Variants in USP44 observed in about 807,000 individuals in gnomAD.
The protein encoded by USP44 is ubiquitin specific peptidase 44.
A neutral mutation model predicts 69.0 loss-of-function variants in USP44; 61 were observed. The ratio of observed to expected loss-of-function variants is 0.88; its 90% CI spans 0.72 to 1.09. The LOEUF (loss-of-function observed/expected upper bound fraction) is 1.09. Among genes scored for constraint, USP44 ranks in the 50% least tolerant of loss-of-function variants. USP44 has a pLI of 0.00. For synonymous variants in USP44, 297 were observed against 295.4 expected (o/e 1.01, Z -0.06); for missense variants, 753 against 849.9 (o/e 0.89, Z 1.42).
rs370009304 is a variant in USP44 at position 95,518,260 on chromosome 12, C to T, written c.2033G>A (p.Arg678Gln). ...TTTAGAATGTCCATTCTCAGTAACT[C>T]GTTGGGTATAAAACAAGATATAAGC... ...AQAYILFYTQ[R>Q]VTENGHSKLL... The change falls in exon 6 of 6, where the codon CGA (arginine) becomes CAA (glutamine). Residue 678 changes from arginine to glutamine, a missense_variant. By Grantham distance (43) the Arg-to-Gln change is conservative (BLOSUM62 1). Coordinates refer to ENST00000258499, the MANE Select transcript of USP44 (RefSeq NM_032147.5). 4.3e-6 allele frequency: 7 copies of T among 1,613,976 alleles called. No individual in the cohort carries two copies. The highest frequency in any genetic ancestry group is 2.7e-5 in the African/African-American group (2 of 74,898).
At chr12:95,522,293 G>GA (rs879858987) in intron 4 of USP44, among the ~76,000 whole-genome samples, 3 of 147,676 alleles carry the variant, frequency 2.0e-5, no homozygotes, top group East Asian at 2.0e-4. Context: ...TTTTATGATG[G>GA]AAAAAAAAAA....
At chr12:95,523,765 GT>G (rs2076743113) in intron 4 of USP44, among the ~76,000 whole-genome samples, 1 of 151,516 alleles carries the variant, frequency 6.6e-6, no homozygotes, top group Non-Finnish European at 1.5e-5. Context: ...ATTCATAATG[GT>G]TTGCTTCTGA....
At chr12:95,522,872 T>C (rs2076712250) in intron 4 of USP44, among the ~76,000 whole-genome samples, 3 of 151,158 alleles carry the variant, frequency 2.0e-5, no homozygotes, top group Admixed American at 2.0e-4. Context: ...TGTGGGCAAG[T>C]CACAGGAAAG....
Position 95,516,593 on chromosome 12 carries a change from TAAG to T in USP44, c.*1558_*1560del, listed in dbSNP as rs755753432. The T allele has an allele frequency of 8.5e-5, 13 of 152,248 alleles. No individual in the cohort carries two copies. The highest frequency in any genetic ancestry group is 1.9e-4 in the East Asian group (1 of 5,180). 9.4% of individuals were successfully genotyped at this position (152,248 alleles called of 1,614,324 possible). A position where few individuals can be genotyped will look rare whatever the true frequency, so the allele number is the denominator to read the frequency against. ...ACCATGTAAATTTTTAATGAGGTAT[TAAG>T]AAGTGTGTAACAGTTGAGGTAACAA... is the stretch of plus-strand genomic sequence containing the variant. On this transcript the variant is annotated 3_prime_UTR_variant, in exon 6 of 6. Transcript: ENST00000258499.
chr12:95,529,454 C>T (rs1384927252), intron 2 of USP44, among the ~76,000 whole-genome samples: 41 of 150,798 alleles, frequency 2.7e-4, no homozygotes, highest in Non-Finnish European at 2.9e-5. Context: ...GATGGAGTCT[C>T]GCTCTGTCCC....
At chr12:95,534,391 A>G in intron 1 of USP44, 65 bp from the exon 2 acceptor site, 2 of 877,066 alleles carry the variant, frequency 2.3e-6, no homozygotes, top group Non-Finnish European at 3.4e-6. Context: ...TTTCCCAAGA[A>G]TAATAAAGAT....
intron 1 of USP44, among the ~76,000 whole-genome samples, chr12:95,544,813 G>A (rs187654350): frequency 5.9e-5 from 9 of 151,960 alleles, no homozygotes; most frequent in Non-Finnish European, 1.2e-4. Flanking sequence ...GCTTCCCCCC[G>A]CCATAGCTCA....
intron 3 of USP44, 106 bp downstream of exon 3, chr12:95,528,701 A>G (rs2076928042): frequency 2.4e-6 from 3 of 1,230,502 alleles, no homozygotes; most frequent in South Asian, 3.6e-5. Context: ...TGAACTGAAA[A>G]AAAGTTCATT....
chr12:95,519,723 C>T (rs1202717635), intron 5 of USP44, among the ~76,000 whole-genome samples: 3 of 150,596 alleles, frequency 2.0e-5, no homozygotes, highest in Non-Finnish European at 3.0e-5. Flanking sequence ...TGAGCCACCG[C>T]GCCCGGCCCT....
chr12:95,522,505 T>C (rs1006326403), intron 4 of USP44, among the ~76,000 whole-genome samples: 2 of 151,970 alleles, frequency 1.3e-5, no homozygotes, highest in Admixed American at 1.3e-4. Flanking sequence ...TGGTTGGCCG[T>C]GGTGGCTCAC....
In USP44 at chr12:95,533,069, CT is replaced by C. The variant is rs1374116263; in HGVS notation, c.1187del (p.Lys396SerfsTer37). ...TAGCAAATGGTGAGACCAACGCCCA[CT>C]TTCCAGACCACATGACTTGGAACAA... ...HTLFQVMWSG[K>X]WALVSPFAML... On this transcript the variant is annotated frameshift_variant, in exon 2 of 6. Transcript: ENST00000258499. LOFTEE classifies it high-confidence loss of function. The C allele has an allele frequency of 6.2e-7, 1 of 1,614,232 alleles. No individual in the cohort carries two copies. The highest frequency in any genetic ancestry group is 1.3e-5 in the African/African-American group (1 of 75,046).
chr12:95,539,250 G>C (rs983972826), intron 1 of USP44, among the ~76,000 whole-genome samples: 27 of 149,184 alleles, frequency 1.8e-4, no homozygotes, highest in Non-Finnish European at 3.9e-4. Flanking sequence ...TTTTGAGACG[G>C]AGTCTTGCTC....
chr12:95,521,931 A>AT, intron 4 of USP44: 1 of 630,620 alleles, frequency 1.6e-6, no homozygotes, highest in Non-Finnish European at 2.0e-6. Context: ...CACTTCAGAG[A>AT]TTTTCAGACT....
At position 95,534,126 on chromosome 12, in the gene USP44, CA is replaced by C. The variant is rs750655939; in HGVS notation, c.130del (p.Cys44AlafsTer29). ...TTESIWACLSCSHVACGRYIE... is the reference protein window; with the variant it reads ...TTESIWACLSXSHVACGRYIE... ...ATATCTTCCACAGGCAACATGGGAGCAGCTAAGGCAAGCCCAAATGGACTCG... is the reference window on the plus strand; with the variant it reads ...ATATCTTCCACAGGCAACATGGGAGCGCTAAGGCAAGCCCAAATGGACTCG... On this transcript the variant is annotated frameshift_variant, in exon 2 of 6. Transcript: ENST00000258499. LOFTEE classifies it high-confidence loss of function. 1 of 1,614,188 alleles carries C rather than the reference CA, an allele frequency of 6.2e-7. No homozygotes were observed. Among genetic ancestry groups the C allele is most frequent in the Non-Finnish European group, 8.5e-7 (1 of 1,180,038 alleles).
At chr12:95,518,462 T>A in intron 5 of USP44, 109 bp from the exon 6 acceptor site, 2 of 1,098,044 alleles carry the variant, frequency 1.8e-6, no homozygotes, top group South Asian at 1.6e-5. Context: ...TCTAGCCAAT[T>A]CATTTTTCTT....
chr12:95,526,908 T>C (rs1183269007), intron 3 of USP44, among the ~76,000 whole-genome samples: 2 of 152,086 alleles, frequency 1.3e-5, no homozygotes, highest in East Asian at 3.9e-4. Context: ...ATCTTATTCT[T>C]TTTTTTAATT....
intron 4 of USP44, among the ~76,000 whole-genome samples, chr12:95,522,778 C>CAAA (rs36010747): frequency 2.0e-5 from 2 of 99,040 alleles, no homozygotes; most frequent in Non-Finnish European, 4.1e-5. Flanking sequence ...AATTCTGGCT[C>CAAA]AAAAAAAAAA....
At chr12:95,520,035 A>AAAAAAAAAAAAAAAC in intron 5 of USP44, among the ~76,000 whole-genome samples, 1 of 140,378 alleles carries the variant, frequency 7.1e-6, no homozygotes, top group African/African-American at 2.6e-5. Flanking sequence ...AAAAAAAAAA[A>AAAAAAAAAAAAAAAC]AGCCAATAGT....
At chr12:95,531,946 C>A (rs779572374) in intron 2 of USP44, among the ~76,000 whole-genome samples, 3 of 152,082 alleles carry the variant, frequency 2.0e-5, no homozygotes, top group Non-Finnish European at 2.9e-5. Context: ...GTTTTATAGT[C>A]CACCTTATCA....
Sources: allele counts gnomAD v4.1 joint callset (sites outside exome capture counted in the v4.1 genomes callset), GRCh38; gene constraint gnomAD v4.1.1; transcripts MANE v1.5; gene names NCBI Gene and HGNC (gene_info 2026-07-23, HGNC 2026-07-21).